The following TIMP3 variants were observed in gnomAD, a reference collection of about 807,000 sequenced individuals.
TIMP3 encodes metalloproteinase inhibitor 3.
Under a neutral mutation model 30.0 loss-of-function variants are expected in TIMP3, and 11 were observed. The ratio of observed to expected loss-of-function variants is 0.37; its 90% CI spans 0.23 to 0.61. The LOEUF (loss-of-function observed/expected upper bound fraction) is 0.61. TIMP3 is among the 20% of genes least tolerant of loss of function. TIMP3 has a pLI of 0.70. For synonymous variants in TIMP3, 112 were observed against 111.3 expected, an observed-to-expected ratio of 1.01 and a Z score of -0.04; for missense variants, 181 against 276.8, an observed-to-expected ratio of 0.65 and a Z score of 2.45.
intron 1 of TIMP3, among the ~76,000 whole-genome samples, chr22:32,805,344 G>A (rs896923956): frequency 3.3e-5 from 5 of 152,296 alleles, no homozygotes; most frequent in South Asian, 4.1e-4. Context: ...TGAGGTTGTC[G>A]TTTTAGCAAA....
At chr22:32,814,366 A>AAAGG (rs2047033892) in intron 1 of TIMP3, among the ~76,000 whole-genome samples, 5 of 89,610 alleles carry the variant, frequency 5.6e-5, no homozygotes, top group South Asian at 3.9e-4. Context: ...AGAAAGAAAG[A>AAAGG]AAGAAAGAGA....
chr22:32,829,949 TG>T (rs1178583662), intron 1 of TIMP3, among the ~76,000 whole-genome samples: 2 of 152,256 alleles, frequency 1.3e-5, no homozygotes, highest in African/African-American at 4.8e-5. Flanking sequence ...TGCCTCTTGC[TG>T]GGCCTCTCTC....
At position 32,813,486 on chromosome 22, in the gene TIMP3, T is replaced by TACAC. The variant is rs130277; in HGVS notation, c.121+11411_121+11414dup. On this transcript the variant is annotated intron_variant, in intron 1 of 4. Coordinates refer to ENST00000266085, the MANE Select transcript of TIMP3 (RefSeq NM_000362.5). ...TTTAATGTAACATCTTCTGAAAAGATACACACACACACACACACACACACA... is the reference window on the plus strand; with the variant it reads ...TTTAATGTAACATCTTCTGAAAAGATACACACACACACACACACACACACACACA... 1.4e-3 allele frequency among the ~76,000 whole-genome samples: 194 copies of TACAC among 138,280 alleles called. 2 individuals are homozygous for TACAC. The highest frequency in any genetic ancestry group is 2.8e-3 in the South Asian group (11 of 3,948). The allele number at this position is 138,280 out of a possible 152,430, so 90.7% of individuals were successfully genotyped here. A position where few individuals can be genotyped will look rare whatever the true frequency, so the allele number is the denominator to read the frequency against.
intron 1 of TIMP3, among the ~76,000 whole-genome samples, chr22:32,849,101 G>A (rs537516104): frequency 2.2e-4 from 34 of 152,342 alleles, no homozygotes; most frequent in African/African-American, 7.5e-4. Flanking sequence ...GGACAAGGGA[G>A]GGGGGACAAT....
chr22:32,832,372 C>T (rs1368592334), intron 1 of TIMP3, among the ~76,000 whole-genome samples: 3 of 152,096 alleles, frequency 2.0e-5, no homozygotes, highest in African/African-American at 7.2e-5. Flanking sequence ...TAGAATATGT[C>T]CAGTCCAACG....
At chr22:32,847,499 C>G (rs1246412783) in intron 1 of TIMP3, among the ~76,000 whole-genome samples, 1 of 152,210 alleles carries the variant, frequency 6.6e-6, no homozygotes, top group Non-Finnish European at 1.5e-5. Flanking sequence ...ATTGATTCAT[C>G]TGAACCCTGA....
chr22:32,849,429 A>G (rs775904682), intron 1 of TIMP3, 23 bp from the exon 2 acceptor site: 30 of 1,610,680 alleles, frequency 1.9e-5, no homozygotes, highest in Non-Finnish European at 2.4e-5. Flanking sequence ...CTAACCTCTT[A>G]TTGTCTCCTT....
chr22:32,861,200 A>G lies in TIMP3; in HGVS notation c.*1823A>G, dbSNP rs1395758073. ...AGAAAAAAAAAAAAAGCAGCAGACA[A>G]CACACTGTAGAGTCTTGCACACACA... On this transcript the variant is annotated 3_prime_UTR_variant, in exon 5 of 5. Coordinates refer to ENST00000266085, the MANE Select transcript of TIMP3 (RefSeq NM_000362.5). 6.6e-6 allele frequency: 1 copy of G among 151,584 alleles called. No homozygotes were observed. Among genetic ancestry groups the G allele is most frequent in the African/African-American group, 2.4e-5 (1 of 41,200 alleles). The allele number at this position is 151,584 out of a possible 1,614,324, so 9.4% of individuals were successfully genotyped here. A position where few individuals can be genotyped will look rare whatever the true frequency, so the allele number is the denominator to read the frequency against.
intron 1 of TIMP3, among the ~76,000 whole-genome samples, chr22:32,825,158 G>A (rs1398595922): frequency 2.0e-5 from 3 of 152,126 alleles, no homozygotes; most frequent in Non-Finnish European, 2.9e-5. Flanking sequence ...ACTTGGGGGA[G>A]GGATGGGTGA....
intron 1 of TIMP3, among the ~76,000 whole-genome samples, chr22:32,807,377 TAATA>T (rs2046783386): frequency 2.8e-5 from 3 of 108,754 alleles, no homozygotes; most frequent in Non-Finnish European, 5.2e-5. Flanking sequence ...ATATTATATA[TAATA>T]TATATTATAT....
chr22:32,815,410 C>A (rs187210395), intron 1 of TIMP3, among the ~76,000 whole-genome samples: 1 of 152,186 alleles, frequency 6.6e-6, no homozygotes, highest in Admixed American at 6.5e-5. Context: ...GGAACTGGAA[C>A]AAAAATAATA....
intron 1 of TIMP3, among the ~76,000 whole-genome samples, chr22:32,828,045 G>C (rs78968122): frequency 0.03 from 4,613 of 152,268 alleles, 253 homozygotes; most frequent in African/African-American, 0.11. Flanking sequence ...TGTTTGGCCT[G>C]ATTCCTCCTC....
intron 1 of TIMP3, among the ~76,000 whole-genome samples, chr22:32,828,723 T>G (rs955558264): frequency 1.3e-5 from 2 of 152,202 alleles, no homozygotes; most frequent in African/African-American, 4.8e-5. Flanking sequence ...CACTATAGAC[T>G]TCTTGGCCGG....
chr22:32,805,235 A>C (rs956072908), intron 1 of TIMP3, among the ~76,000 whole-genome samples: 35 of 152,188 alleles, frequency 2.3e-4, no homozygotes, highest in African/African-American at 8.0e-4. Context: ...CATGAGGCTC[A>C]GCTGGGGGGC....
At position 32,857,281 on chromosome 22, in the gene TIMP3, G is replaced by A. The variant is rs2048397100; in HGVS notation, c.237G>A (p.Val79=). 3.1e-6 allele frequency: 5 copies of A among 1,614,098 alleles called. No homozygotes were observed. Among genetic ancestry groups the A allele is most frequent in the Non-Finnish European group, 4.2e-6 (5 of 1,179,990 alleles). Residue 79 remains valine (V), a synonymous_variant, in exon 3 of 5, where the codon GTG becomes GTA. Coordinates refer to ENST00000266085, the MANE Select transcript of TIMP3 (RefSeq NM_000362.5). ...MYRGFTKMPH[V]QYIHTEASES... is the part of the protein sequence containing the mutation. ...GAGGCTTCACCAAGATGCCCCATGT[G>A]CAGTACATCCATACGGAAGCTTCCG...
chr22:32,805,996 T>C (rs1362409592), intron 1 of TIMP3, among the ~76,000 whole-genome samples: 1 of 151,918 alleles, frequency 6.6e-6, no homozygotes, highest in Non-Finnish European at 1.5e-5. Context: ...GTTCTTTGGC[T>C]ATTAGATCTG....
rs1024643818 is a variant in TIMP3 at position 32,837,673 on chromosome 22, A to G, written c.122-11779A>G. Among the ~76,000 whole-genome samples the G allele has an allele frequency of 2.0e-5, 3 of 152,108 alleles. No individual in the cohort carries two copies. Among genetic ancestry groups the G allele is most frequent in the African/African-American group, 7.2e-5 (3 of 41,396 alleles). On this transcript the variant is annotated intron_variant, in intron 1 of 4. Coordinates refer to ENST00000266085, the MANE Select transcript of TIMP3 (RefSeq NM_000362.5). This position sits in a 1 kb window ranked among gnomAD's most constrained non-coding sequence, Gnocchi z 4.1. ...TTGGGGCTTCGGGGGCCTCCTGTCA[A>G]TGGACTGTTTGGACACCCATTTGGA...
rs374034589 is a variant in TIMP3, at chr22:32,843,768, C to T, written c.122-5684C>T. On this transcript the variant is annotated intron_variant, in intron 1 of 4. Transcript: ENST00000266085. ...TGGGGTCCCATCAGAAGAGCAGCCC[C>T]TTCCCTGGGACTGACACTAACAGTG... Among the ~76,000 whole-genome samples the T allele has an allele frequency of 7.2e-5, 11 of 152,320 alleles. No homozygotes were observed. In the East Asian group the frequency reaches 1.4e-3, roughly 19 times the overall value.
intron 1 of TIMP3, among the ~76,000 whole-genome samples, chr22:32,819,912 A>G (rs558416085): frequency 5.9e-5 from 9 of 152,288 alleles, no homozygotes; most frequent in African/African-American, 1.4e-4. Context: ...GCCCAAGGGA[A>G]GTTCTCGCAA....
Sources: allele counts gnomAD v4.1 joint callset (sites outside exome capture counted in the v4.1 genomes callset), GRCh38; gene constraint gnomAD v4.1.1; non-coding constraint Gnocchi (gnomAD v3.1); transcripts MANE v1.5; gene names NCBI Gene and HGNC (gene_info 2026-07-23, HGNC 2026-07-21).